The following IKBKE variants were observed in gnomAD, a reference collection of about 807,000 sequenced individuals.
The protein encoded by IKBKE is inhibitor of nuclear factor kappa-B kinase subunit epsilon.
IKBKE carries 45 observed loss-of-function variants against 92.1 expected under a neutral mutation model. That is an observed-to-expected ratio of 0.49 (90% CI 0.38 to 0.63). IKBKE has a LOEUF of 0.63. Among genes scored for constraint, IKBKE ranks in the 20% least tolerant of loss-of-function variants. The pLI, the probability that IKBKE is intolerant of heterozygous loss-of-function variation, is 0.00. For missense variants in IKBKE, 700 were observed against 932.8 expected, an observed-to-expected ratio of 0.75 and a Z score of 3.25; for synonymous variants, 374 against 380.3, an observed-to-expected ratio of 0.98 and a Z score of 0.19.
At position 206,493,917 on chromosome 1, in the gene IKBKE, C is replaced by A. The variant is rs782106950; in HGVS notation, c.2046-3C>A. 6.2e-7 allele frequency: 1 copy of A among 1,613,758 alleles called. No individual in the cohort carries two copies. Among genetic ancestry groups the A allele is most frequent in the Admixed American group, 1.7e-5 (1 of 60,022 alleles). ...CCGCCTCTCCTGCCTCTGCCTTGGG[C>A]AGCATGCAAGAGCTCTGCGAGGGGA... On this transcript the variant is annotated splice_region_variant and splice_polypyrimidine_tract_variant and intron_variant, in intron 20 of 21. Coordinates refer to ENST00000581977, the MANE Select transcript of IKBKE (RefSeq NM_014002.4).
chr1:206,474,269 C>T, intron 3 of IKBKE, 62 bp from the exon 4 acceptor site: 1 of 1,519,430 alleles, frequency 6.6e-7, no homozygotes, highest in Non-Finnish European at 9.0e-7. Flanking sequence ...GGCTGCTCCC[C>T]TGTGGGAGTG....
At position 206,474,340 on chromosome 1, in the gene IKBKE, G is replaced by C; in HGVS notation, c.97G>C (p.Glu33Gln). Residue 33 changes from glutamate (E) to glutamine (Q), a missense_variant, in exon 4 of 22, where the codon GAG (glutamate) becomes CAG (glutamine). By Grantham distance (29) the Glu-to-Gln change is conservative (BLOSUM62 2). Transcript: ENST00000581977. ...VYKARNKKSG[E>Q]LVAVKVFNTT... Reference sequence around the variant, plus strand: ...CCCTCCCCAATGGCAGAAATCCGGAGAGCTGGTTGCTGTGAAGGTCTTCAA... The same window carrying C: ...CCCTCCCCAATGGCAGAAATCCGGACAGCTGGTTGCTGTGAAGGTCTTCAA... The C allele has an allele frequency of 1.2e-6, 2 of 1,613,144 alleles. No individual in the cohort carries two copies. The highest frequency in any genetic ancestry group is 1.7e-6 in the Non-Finnish European group (2 of 1,179,366).
At position 206,485,231 on chromosome 1, in the gene IKBKE, C is replaced by T. The variant is rs199623162; in HGVS notation, c.1541C>T (p.Thr514Met). 39 of 1,613,892 alleles carry T rather than the reference C, an allele frequency of 2.4e-5. No individual in the cohort carries two copies. Among genetic ancestry groups the T allele is most frequent in the African/African-American group, 1.3e-4 (10 of 75,038 alleles). Reference protein sequence around the residue: ...EVLSRCSQNITETQESLSSLN... With the variant: ...EVLSRCSQNIMETQESLSSLN... The stretch of plus-strand genomic sequence containing the variant: ...CTCTCCAGATGCTCCCAAAATATCA[C>T]GGAGACCCAGGAGAGCCTGAGCAGC... Residue 514 changes from threonine to methionine, a missense_variant, in exon 15 of 22, where the codon ACG becomes ATG. Transcript: ENST00000581977. This position sits in a 1 kb window ranked among gnomAD's most constrained non-coding sequence, Gnocchi z 5.0.
rs2103472576 is a variant in IKBKE, at chr1:206,485,266, G to A, written c.1576G>A (p.Glu526Lys). Residue 526 changes from glutamate to lysine, a missense_variant, in exon 15 of 22, where the codon GAG becomes AAG. Coordinates refer to ENST00000581977, the MANE Select transcript of IKBKE (RefSeq NM_014002.4). The surrounding 1 kb of genome is among the most constrained non-coding windows in gnomAD (Gnocchi z 5.0). ...GGAGAGCCTGAGCAGCCTGAACCGG[G>A]AGCTGGTGAAGAGCCGGGATCAGGT... ...TQESLSSLNRELVKSRDQVHE... is the reference protein window; with the variant it reads ...TQESLSSLNRKLVKSRDQVHE... 6.2e-7 allele frequency: 1 copy of A among 1,613,992 alleles called. No homozygotes were observed. Among genetic ancestry groups the A allele is most frequent in the Non-Finnish European group, 8.5e-7 (1 of 1,179,818 alleles).
chr1:206,474,898 T>C lies in IKBKE; in HGVS notation c.262T>C (p.Tyr88His), dbSNP rs1370253843. The C allele has an allele frequency of 3.7e-6, 6 of 1,613,846 alleles. No individual in the cohort carries two copies. Among genetic ancestry groups the C allele is most frequent in the Non-Finnish European group, 5.1e-6 (6 of 1,179,968 alleles). The part of the protein sequence containing the change: ...GSRQKVLVME[Y>H]CSSGSLLSVL... ...CCGGCAGAAGGTACTGGTGATGGAG[T>C]ACTGCTCCAGTGGGAGCCTGCTGAG... Residue 88 changes from tyrosine to histidine, a missense_variant, in exon 5 of 22, where the codon TAC becomes CAC. Tyr to His is a moderately conservative substitution (Grantham distance 83). Transcript: ENST00000581977.
At chr1:206,472,843 C>T (rs555697044) in intron 2 of IKBKE, 1 of 273,972 alleles carries the variant, frequency 3.7e-6, no homozygotes, top group Non-Finnish European at 7.0e-6. Flanking sequence ...TGCCAAAACC[C>T]CAGAATCTTC....
chr1:206,492,902 C>G, intron 18 of IKBKE, 121 bp from the exon 19 acceptor site: 1 of 818,980 alleles, frequency 1.2e-6, no homozygotes, highest in African/African-American at 1.7e-5. Flanking sequence ...GCAGAGGCAG[C>G]GAGGGAGGCA....
intron 13 of IKBKE, 51 bp downstream of exon 13, chr1:206,480,584 C>A (rs782702523): frequency 1.5e-6 from 2 of 1,302,308 alleles, no homozygotes; most frequent in Non-Finnish European, 2.2e-6. Flanking sequence ...GCCTTGTCTG[C>A]TCCTCACCCT....
At chr1:206,474,068 A>G (rs538271273) in intron 3 of IKBKE, among the ~76,000 whole-genome samples, 1 of 152,142 alleles carries the variant, frequency 6.6e-6, no homozygotes, top group African/African-American at 2.4e-5. Flanking sequence ...ATGATTGTCA[A>G]TAGCAATTGT....
chr1:206,472,323 G>T (rs1553384014), intron 2 of IKBKE, among the ~76,000 whole-genome samples: 1 of 152,018 alleles, frequency 6.6e-6, no homozygotes, highest in African/African-American at 2.4e-5. Flanking sequence ...CTGTCCCCAG[G>T]TATCCCAAAA....
chr1:206,493,285 A>G lies in IKBKE; in HGVS notation c.1952A>G (p.His651Arg), dbSNP rs1302996739. The G allele has an allele frequency of 6.2e-7, 1 of 1,613,532 alleles. No homozygotes were observed. Among genetic ancestry groups the G allele is most frequent in the African/African-American group, 1.3e-5 (1 of 74,916 alleles). ...SLSKLLEELS[H>R]QLLQDRAKGA... is the part of the protein sequence containing the mutation. The stretch of plus-strand genomic sequence containing the variant: ...CTGCAGCTCCTGGAAGAGCTATCTC[A>G]CCAGCTCCTTCAGGACCGAGCAAAG... Residue 651 changes from histidine to arginine, a missense_variant, in exon 20 of 22, where the codon CAC becomes CGC. By Grantham distance (29) the His-to-Arg change is conservative. Coordinates refer to ENST00000581977, the MANE Select transcript of IKBKE (RefSeq NM_014002.4).
At chr1:206,474,799 AC>A (rs1664969290) in intron 4 of IKBKE, 65 bp from the exon 5 acceptor site, 1 of 1,580,750 alleles carries the variant, frequency 6.3e-7, no homozygotes, top group Admixed American at 1.7e-5. Context: ...AGGCTGAGCC[AC>A]TTCTTCCTGG....
intron 3 of IKBKE, among the ~76,000 whole-genome samples, chr1:206,473,725 A>C (rs770266615): frequency 7.9e-5 from 12 of 152,050 alleles, no homozygotes; most frequent in Admixed American, 5.9e-4. Context: ...GCACTTTGGG[A>C]GGCCGAGGTG....
chr1:206,470,937 C>T (rs1323577041), intron 1 of IKBKE, among the ~76,000 whole-genome samples: 4 of 152,228 alleles, frequency 2.6e-5, no homozygotes, highest in Non-Finnish European at 4.4e-5. Context: ...TCACCTTTCC[C>T]GGGGTCTTTC....
Position 206,478,025 on chromosome 1 carries a change from C to G in IKBKE, c.813-135C>G, listed in dbSNP as rs1665165407. On this transcript the variant is annotated intron_variant, in intron 8 of 21. Transcript: ENST00000581977. The surrounding 1 kb of genome is among the most constrained non-coding windows in gnomAD (Gnocchi z 4.8). ...GCTGGAACGAGTTCTTCCAGCTCTTCCTCCCCAACCCACCCTGCCCCACCA... is the reference window on the plus strand; with the variant it reads ...GCTGGAACGAGTTCTTCCAGCTCTTGCTCCCCAACCCACCCTGCCCCACCA... 1.4e-5 allele frequency: 11 copies of G among 813,750 alleles called. No individual in the cohort carries two copies. In the South Asian group the frequency reaches 1.8e-4, roughly 14 times the overall value. 50.4% of individuals were successfully genotyped at this position (813,750 alleles called of 1,614,324 possible).
At chr1:206,483,786 A>T (rs1288124553) in intron 13 of IKBKE, among the ~76,000 whole-genome samples, 1 of 152,202 alleles carries the variant, frequency 6.6e-6, no homozygotes, top group East Asian at 1.9e-4. Flanking sequence ...AACCAACATG[A>T]AATGATAGTG....
chr1:206,492,900 A>G lies in IKBKE; in HGVS notation c.1836-123A>G, dbSNP rs1553390945. 9 of 803,940 alleles carry G rather than the reference A, an allele frequency of 1.1e-5. No individual in the cohort carries two copies. The East Asian group carries it at 2.4e-4, about 21-fold the overall frequency. 49.8% of individuals were successfully genotyped at this position (803,940 alleles called of 1,614,324 possible). ...AGGGCACAGCTGGCAGGGCAGAGGCAGCGAGGGAGGCAAATACCCGGGACC... is the reference window on the plus strand; with the variant it reads ...AGGGCACAGCTGGCAGGGCAGAGGCGGCGAGGGAGGCAAATACCCGGGACC... On this transcript the variant is annotated intron_variant, in intron 18 of 21. Transcript: ENST00000581977.
intron 13 of IKBKE, among the ~76,000 whole-genome samples, chr1:206,481,039 T>C (rs1249835332): frequency 6.6e-6 from 1 of 152,046 alleles, no homozygotes; most frequent in Non-Finnish European, 1.5e-5. Flanking sequence ...GGAACCCCAC[T>C]CCCTCCACTC....
intron 13 of IKBKE, among the ~76,000 whole-genome samples, 188 bp downstream of exon 13, chr1:206,480,721 C>T (rs1219150589): frequency 2.0e-5 from 3 of 152,174 alleles, no homozygotes; most frequent in Non-Finnish European, 4.4e-5. Flanking sequence ...CAATGGCTCC[C>T]CCAAAACCCA....
Sources: allele counts gnomAD v4.1 joint callset (sites outside exome capture counted in the v4.1 genomes callset), GRCh38; gene constraint gnomAD v4.1.1; non-coding constraint Gnocchi (gnomAD v3.1); transcripts MANE v1.5; gene names NCBI Gene and HGNC (gene_info 2026-07-23, HGNC 2026-07-21).